Variants in HDAC4 observed in about 807,000 individuals in gnomAD.
HDAC4 encodes the protein histone deacetylase A.
Under a neutral mutation model 135.1 loss-of-function variants are expected in HDAC4, and 16 were observed. That is an observed-to-expected ratio of 0.12 (90% CI 0.08 to 0.18). The LOEUF (loss-of-function observed/expected upper bound fraction) is 0.18. Ranked by LOEUF, HDAC4 falls within the 10% of genes least tolerant of loss-of-function variation. The pLI is 1.00. For missense variants in HDAC4, 1,143 were observed against 1,511.8 expected (o/e 0.76, Z 4.05); for synonymous variants, 685 against 653.4 (o/e 1.05, Z -0.74).
At position 239,068,023 on chromosome 2, in the gene HDAC4, C is replaced by T. The variant is rs1285181882; in HGVS notation, c.2869+466G>A. On this transcript the variant is annotated intron_variant, in intron 23 of 26. Coordinates refer to ENST00000543185, the MANE Select transcript of HDAC4 (RefSeq NM_001378414.1). The surrounding 1 kb of genome is among the most constrained non-coding windows in gnomAD (Gnocchi z 4.4). ...GCAGTCCCTCCTCCCATCCTGACAG[C>T]ATGGCCCCTAACGCTGATCCTGAGA... Among the ~76,000 whole-genome samples the T allele has an allele frequency of 6.6e-6, 1 of 152,212 alleles. No homozygotes were observed. Among genetic ancestry groups the T allele is most frequent in the Non-Finnish European group, 1.5e-5 (1 of 68,022 alleles).
In HDAC4 at chr2:239,262,002, T is replaced by C. The variant is rs1238162787; in HGVS notation, c.23-25338A>G. ...GGCCCCTACAGGTTGGCCTCTTCCC[T>C]GAAGGCCCCAGACACAGAGGCCCTA... is the stretch of plus-strand genomic sequence containing the variant. On this transcript the variant is annotated intron_variant, in intron 2 of 26. Transcript: ENST00000543185. The surrounding 1 kb of genome is among the most constrained non-coding windows in gnomAD (Gnocchi z 4.1). 6.6e-6 allele frequency among the ~76,000 whole-genome samples: 1 copy of C among 152,182 alleles called. No individual in the cohort carries two copies. Among genetic ancestry groups the C allele is most frequent in the South Asian group, 2.1e-4 (1 of 4,836 alleles).
Position 239,285,637 on chromosome 2 carries a change from G to A in HDAC4, c.23-48973C>T, listed in dbSNP as rs2051096904. On this transcript the variant is annotated intron_variant, in intron 2 of 26. Transcript: ENST00000543185. The surrounding 1 kb of genome is among the most constrained non-coding windows in gnomAD (Gnocchi z 4.5). ...ACGTGGCAGACAAGTCATCTTACAGGCTCTTGTGCTGTGGAAACCCCAGGT... is the reference window on the plus strand; with the variant it reads ...ACGTGGCAGACAAGTCATCTTACAGACTCTTGTGCTGTGGAAACCCCAGGT... Among the ~76,000 whole-genome samples the A allele has an allele frequency of 6.6e-6, 1 of 152,138 alleles. No homozygotes were observed. Among genetic ancestry groups the A allele is most frequent in the South Asian group, 2.1e-4 (1 of 4,832 alleles).
intron 2 of HDAC4, among the ~76,000 whole-genome samples, chr2:239,258,256 A>G (rs1301831459): frequency 6.6e-6 from 1 of 152,198 alleles, no homozygotes; most frequent in Non-Finnish European, 1.5e-5. Context: ...AGGAAGTTGG[A>G]GAAACAGAAG....
chr2:239,334,695 A>G (rs1691809514), intron 2 of HDAC4, among the ~76,000 whole-genome samples: 2 of 152,236 alleles, frequency 1.3e-5, no homozygotes, highest in Non-Finnish European at 2.9e-5. Flanking sequence ...AGACCACAGC[A>G]GGTATTCTGT....
At chr2:239,091,242 T>C (rs2152725647) in intron 17 of HDAC4, 1 of 152,422 alleles carries the variant, frequency 6.6e-6, no homozygotes, top group African/African-American at 2.4e-5. Flanking sequence ...CAGTCTCCTA[T>C]GGGAGTCTGG....
At chr2:239,061,470 TGTGC>T (rs1270053665) in intron 24 of HDAC4, among the ~76,000 whole-genome samples, 1 of 150,106 alleles carries the variant, frequency 6.7e-6, no homozygotes. Context: ...ATGTGTGGTG[TGTGC>T]GTGCATGAGA....
At chr2:239,194,118 G>A (rs1419597310) in intron 3 of HDAC4, among the ~76,000 whole-genome samples, 2 of 152,156 alleles carry the variant, frequency 1.3e-5, no homozygotes, top group East Asian at 3.9e-4. Flanking sequence ...ATTCATCATT[G>A]AGCGTGGAGG....
chr2:239,057,773 A>G (rs541875160), intron 24 of HDAC4, among the ~76,000 whole-genome samples: 1 of 152,346 alleles, frequency 6.6e-6, no homozygotes, highest in Admixed American at 6.5e-5. Context: ...TGGATGTATT[A>G]TACTTAAGGC....
At chr2:239,368,408 G>A (rs1007821686) in intron 1 of HDAC4, among the ~76,000 whole-genome samples, 5 of 152,160 alleles carry the variant, frequency 3.3e-5, no homozygotes, top group African/African-American at 9.7e-5. Flanking sequence ...CGTGGCTGGC[G>A]CTGCTGCATT....
intron 1 of HDAC4, among the ~76,000 whole-genome samples, chr2:239,380,440 G>GT (rs1160797371): frequency 2.0e-5 from 3 of 152,068 alleles, no homozygotes; most frequent in Admixed American, 6.5e-5. Context: ...ATAAACATTT[G>GT]TTTTTTCCCA....
chr2:239,329,281 C>G (rs972922950), intron 2 of HDAC4, among the ~76,000 whole-genome samples: 5 of 152,246 alleles, frequency 3.3e-5, no homozygotes, highest in African/African-American at 1.2e-4. Context: ...ATGACAGGAA[C>G]CCTCCATTAT....
intron 12 of HDAC4, among the ~76,000 whole-genome samples, chr2:239,122,124 A>T (rs2039747679): frequency 6.6e-6 from 1 of 152,198 alleles, no homozygotes; most frequent in Admixed American, 6.5e-5. Flanking sequence ...AAACAATCGG[A>T]CACACTCGTA....
intron 17 of HDAC4, chr2:239,091,260 A>G (rs74738248): frequency 0.09 from 13,703 of 152,368 alleles, 806 homozygotes; most frequent in Admixed American, 0.16. Flanking sequence ...TGGCCAGGGG[A>G]GGGAGGTGTT....
chr2:239,363,133 T>G (rs1186190474), intron 1 of HDAC4, among the ~76,000 whole-genome samples: 3 of 152,206 alleles, frequency 2.0e-5, no homozygotes, highest in Non-Finnish European at 4.4e-5. Flanking sequence ...TAGAAAACTA[T>G]AAAACGTAAG....
At chr2:239,323,220 A>T (rs1028423982) in intron 2 of HDAC4, among the ~76,000 whole-genome samples, 1 of 152,224 alleles carries the variant, frequency 6.6e-6, no homozygotes, top group Non-Finnish European at 1.5e-5. Flanking sequence ...TTGCTGTTCT[A>T]TCGTGTATGT....
In HDAC4 at chr2:239,282,506, ACAATGTACACACCACTCT is replaced by A. The variant is rs1202413191; in HGVS notation, c.23-45860_23-45843del. ...CTACACACAATGAACATACCACTCT[ACAATGTACACACCACTCT>A]CAATGTACACACCACTCTCAATGTA... On this transcript the variant is annotated intron_variant, in intron 2 of 26. Coordinates refer to ENST00000543185, the MANE Select transcript of HDAC4 (RefSeq NM_001378414.1). 1.3e-3 allele frequency among the ~76,000 whole-genome samples: 197 copies of A among 148,122 alleles called. 1 individual carries two copies. Among genetic ancestry groups the A allele is most frequent in the African/African-American group, 4.6e-3 (183 of 39,832 alleles).
intron 2 of HDAC4, among the ~76,000 whole-genome samples, chr2:239,332,409 A>C (rs1691648527): frequency 6.6e-6 from 1 of 152,242 alleles, no homozygotes; most frequent in African/African-American, 2.4e-5. Context: ...CAGTGAAATT[A>C]AACTAGAAAT....
In HDAC4 at chr2:239,262,959, G is replaced by A. The variant is rs546840652; in HGVS notation, c.23-26295C>T. 7.2e-5 allele frequency among the ~76,000 whole-genome samples: 11 copies of A among 152,012 alleles called. No homozygotes were observed. Among genetic ancestry groups the A allele is most frequent in the African/African-American group, 1.4e-4 (6 of 41,440 alleles). ...CTTCTGTGCTTCACGAAAGATCTAC[G>A]CGTGAAGCCCCCGGGAAGCCAAGCC... On this transcript the variant is annotated intron_variant, in intron 2 of 26. Transcript: ENST00000543185. This position sits in a 1 kb window ranked among gnomAD's most constrained non-coding sequence, Gnocchi z 4.1.
chr2:239,399,357 T>C (rs72993796), intron 1 of HDAC4, among the ~76,000 whole-genome samples: 12,356 of 152,222 alleles, frequency 0.081, 688 homozygotes, highest in Middle Eastern at 0.18. Context: ...TAGTGTATAT[T>C]TGTGTACAAG....
Sources: gnomAD v4.1 joint callset for allele counts (sites outside exome capture counted in the v4.1 genomes callset) on GRCh38, gnomAD v4.1.1 for gene constraint, Gnocchi (gnomAD v3.1) non-coding constraint, MANE v1.5 for transcripts, NCBI Gene and HGNC (gene_info 2026-07-23, HGNC 2026-07-21) for gene names.